The following USP34 variants were observed in gnomAD, a reference collection of about 807,000 sequenced individuals.
USP34 encodes the protein ubiquitin specific peptidase 34.
In USP34, 70 loss-of-function variants were observed where a neutral mutation model predicts 460.3. The observed-to-expected ratio is 0.15, with a 90% CI of 0.13 to 0.19. The LOEUF is 0.19. USP34 is among the 10% of genes least tolerant of loss of function. USP34 has a pLI of 1.00. For synonymous variants in USP34, 1,647 were observed against 1,405.3 expected, an observed-to-expected ratio of 1.17 and a Z score of -3.85; for missense variants, 3,985 against 4,236.2, an observed-to-expected ratio of 0.94 and a Z score of 1.65.
At chr2:61,271,007 G>C (rs2103932500) in intron 41 of USP34, among the ~76,000 whole-genome samples, 1 of 152,220 alleles carries the variant, frequency 6.6e-6, no homozygotes, top group Admixed American at 6.5e-5. Context: ...TATCTGGCCA[G>C]GCGCGGTGGC....
intron 5 of USP34, among the ~76,000 whole-genome samples, chr2:61,383,980 T>C (rs1693057295): frequency 6.6e-6 from 1 of 152,174 alleles, no homozygotes; most frequent in African/African-American, 2.4e-5. Context: ...TACGGTAGCA[T>C]CCCCAATACA....
At chr2:61,216,895 G>A (rs1687419286) in intron 67 of USP34, among the ~76,000 whole-genome samples, 1 of 151,266 alleles carries the variant, frequency 6.6e-6, no homozygotes, top group African/African-American at 2.4e-5. Context: ...CCCAGCCTGG[G>A]CGATGGGGCA....
Position 61,253,954 on chromosome 2 carries a change from CA to C in USP34, c.6221+2429del. ...TTCACCATGTTGGCCAGGCTGGTCTCAAACTCCTGACCTCAGGCAATCCACC... is the reference window on the plus strand; with the variant it reads ...TTCACCATGTTGGCCAGGCTGGTCTCAACTCCTGACCTCAGGCAATCCACC... On this transcript the variant is annotated intron_variant, in intron 48 of 79. Transcript: ENST00000398571. Among the ~76,000 whole-genome samples, 3 of 152,262 alleles carry C rather than the reference CA, an allele frequency of 2.0e-5. No individual in the cohort carries two copies. In the South Asian group the frequency reaches 6.2e-4, roughly 32 times the overall value.
At chr2:61,403,909 C>T (rs571493299) in intron 3 of USP34, among the ~76,000 whole-genome samples, 1 of 142,648 alleles carries the variant, frequency 7.0e-6, no homozygotes, top group Non-Finnish European at 1.5e-5. Flanking sequence ...AGGAGAATGA[C>T]GTGAACCCGG....
At chr2:61,460,610 C>T (rs981093303) in intron 1 of USP34, among the ~76,000 whole-genome samples, 1 of 151,484 alleles carries the variant, frequency 6.6e-6, no homozygotes, top group African/African-American at 2.4e-5. Context: ...AGTCTCAGAA[C>T]ACATTCCACT....
At chr2:61,452,102 A>G (rs1695296003) in intron 1 of USP34, among the ~76,000 whole-genome samples, 1 of 150,526 alleles carries the variant, frequency 6.6e-6, no homozygotes, top group Non-Finnish European at 1.5e-5. Flanking sequence ...TGAACCCAGG[A>G]GGCGGAGCTT....
chr2:61,354,472 C>A (rs917111826), intron 10 of USP34, among the ~76,000 whole-genome samples: 1 of 152,160 alleles, frequency 6.6e-6, no homozygotes, highest in African/African-American at 2.4e-5. Flanking sequence ...GACACTTACA[C>A]CTGCCCCATA....
At chr2:61,359,913 T>C (rs1006562461) in intron 10 of USP34, among the ~76,000 whole-genome samples, 3 of 150,520 alleles carry the variant, frequency 2.0e-5, no homozygotes, top group Non-Finnish European at 3.0e-5. Context: ...GCCTGCCAAG[T>C]AGCTGGGACT....
intron 75 of USP34, among the ~76,000 whole-genome samples, chr2:61,194,444 C>T (rs980623943): frequency 3.5e-4 from 53 of 152,344 alleles, no homozygotes; most frequent in African/African-American, 1.3e-3. Context: ...AACTATGGCC[C>T]TCAGGCCAAA....
chr2:61,343,932 C>T lies in USP34; in HGVS notation c.2383G>A (p.Glu795Lys). ...SEKNMADFDG[E>K]ESGCEEELVQ... ...AGCTCCTCTTCACATCCAGATTCTTCACCATCAAAATCAGCCATATTTTTT... is the reference window on the plus strand; with the variant it reads ...AGCTCCTCTTCACATCCAGATTCTTTACCATCAAAATCAGCCATATTTTTT... Residue 795 changes from glutamate (E) to lysine (K), a missense_variant, in exon 16 of 80, where the codon GAA becomes AAA. Glu to Lys is a moderately conservative substitution (Grantham distance 56). Transcript: ENST00000398571. The T allele has an allele frequency of 6.2e-7, 1 of 1,613,990 alleles. No homozygotes were observed. Among genetic ancestry groups the T allele is most frequent in the Non-Finnish European group, 8.5e-7 (1 of 1,179,920 alleles).
In USP34 at chr2:61,188,717, A is replaced by G. The variant is rs1686526002; in HGVS notation, c.10034-8T>C. The G allele has an allele frequency of 6.2e-7, 1 of 1,607,896 alleles. No homozygotes were observed. The highest frequency in any genetic ancestry group is 1.1e-5 in the South Asian group (1 of 89,946). On this transcript the variant is annotated splice_polypyrimidine_tract_variant and splice_region_variant and intron_variant, in intron 79 of 79. Transcript: ENST00000398571. Reference sequence around the variant, plus strand: ...GAGTTGCTCCTTCATCATCTGTGAAAACACATGCCAAAAGGGAAACTTCTC... The same window carrying G: ...GAGTTGCTCCTTCATCATCTGTGAAGACACATGCCAAAAGGGAAACTTCTC...
rs1016207820 is a variant in USP34 at position 61,385,688 on chromosome 2, A to G, written c.754-2352T>C. 2.0e-5 allele frequency among the ~76,000 whole-genome samples: 3 copies of G among 149,398 alleles called. No homozygotes were observed. The Admixed American group carries it at 2.0e-4, about 10-fold the overall frequency. The stretch of plus-strand genomic sequence containing the variant: ...CTCTGTCTCAAAAAAAAAAAAAAAA[A>G]AAAAAAGAAATACGACAAGGAGAAG... On this transcript the variant is annotated intron_variant, in intron 5 of 79. Transcript: ENST00000398571.
chr2:61,350,914 G>C (rs62149706), intron 10 of USP34, among the ~76,000 whole-genome samples: 2 of 152,148 alleles, frequency 1.3e-5, no homozygotes, highest in Non-Finnish European at 2.9e-5. Context: ...CAAATGACAA[G>C]CTGAATTTCC....
rs752800970 is a variant in USP34 at position 61,370,428 on chromosome 2, C to T, written c.1159-15G>A. The T allele has an allele frequency of 6.2e-7, 1 of 1,613,440 alleles. No individual in the cohort carries two copies. Among genetic ancestry groups the T allele is most frequent in the South Asian group, 1.1e-5 (1 of 90,892 alleles). ...TGTTTGATAATCTGGAAAAGAAAAA[C>T]TTAATATCAATTTTTAAAAATATTC... On this transcript the variant is annotated splice_polypyrimidine_tract_variant and intron_variant, in intron 9 of 79. Coordinates refer to ENST00000398571, the MANE Select transcript of USP34 (RefSeq NM_014709.4).
chr2:61,299,246 GGAA>G (rs1373785718), intron 29 of USP34, among the ~76,000 whole-genome samples: 3 of 151,948 alleles, frequency 2.0e-5, no homozygotes, highest in Non-Finnish European at 2.9e-5. Context: ...ACAATCTTGG[GGAA>G]GAAAGAAAAG....
intron 2 of USP34, among the ~76,000 whole-genome samples, chr2:61,414,189 A>G (rs2103956827): frequency 1.3e-5 from 2 of 152,114 alleles, no homozygotes; most frequent in South Asian, 4.1e-4. Flanking sequence ...CAGGAGGCAG[A>G]GGATGCCGAG....
At chr2:61,335,548 A>G (rs1246055391) in intron 18 of USP34, among the ~76,000 whole-genome samples, 2 of 152,172 alleles carry the variant, frequency 1.3e-5, no homozygotes, top group Non-Finnish European at 2.9e-5. Context: ...GGAGTTTGAG[A>G]CCAGCCAGGG....
intron 6 of USP34, among the ~76,000 whole-genome samples, chr2:61,380,828 T>C (rs944140977): frequency 6.6e-6 from 1 of 152,208 alleles, no homozygotes; most frequent in Non-Finnish European, 1.5e-5. Context: ...GTTAGCCTGC[T>C]GGATGAAAGA....
intron 8 of USP34, among the ~76,000 whole-genome samples, chr2:61,371,228 C>T (rs1345708164): frequency 6.6e-6 from 1 of 152,132 alleles, no homozygotes; most frequent in Non-Finnish European, 1.5e-5. Context: ...GCATTACTCA[C>T]AGGTTTGTGG....
Sources: allele counts gnomAD v4.1 joint callset (sites outside exome capture counted in the v4.1 genomes callset), GRCh38; gene constraint gnomAD v4.1.1; transcripts MANE v1.5; gene names NCBI Gene and HGNC (gene_info 2026-07-23, HGNC 2026-07-21).